The following REDIC1 variants were observed in gnomAD, a reference collection of about 807,000 sequenced individuals.
The protein encoded by REDIC1 is HEI10 Interacting Protein 1.
the REDIC1 span, among the ~76,000 whole-genome samples, chr12:39,900,887 C>T: frequency 1.3e-5 from 2 of 152,176 alleles, no homozygotes; most frequent in Non-Finnish European, 2.9e-5. Context: ...CCAAGTCAAT[C>T]CTAAGCCAAA....
chr12:39,671,198 T>C, the REDIC1 span, among the ~76,000 whole-genome samples: 1 of 152,218 alleles, frequency 6.6e-6, no homozygotes, highest in Admixed American at 6.5e-5. Flanking sequence ...AGGGGAAGAC[T>C]TTTTCCTATA....
chr12:39,717,472 A>G, the REDIC1 span, among the ~76,000 whole-genome samples: 1 of 152,168 alleles, frequency 6.6e-6, no homozygotes, highest in South Asian at 2.1e-4. Flanking sequence ...ATAAATCATC[A>G]TAATCCTCAT....
At chr12:39,760,265 A>G in the REDIC1 span, 6 of 1,595,884 alleles carry the variant, frequency 3.8e-6, no homozygotes, top group African/African-American at 1.3e-5. Flanking sequence ...GCAACGGAAT[A>G]TAATAGATAC....
chr12:39,838,927 G>A, the REDIC1 span, among the ~76,000 whole-genome samples: 1 of 152,088 alleles, frequency 6.6e-6, no homozygotes, highest in Non-Finnish European at 1.5e-5. Context: ...CCTGTCTCTA[G>A]AATGCCCTAA....
chr12:39,722,028 T>C, the REDIC1 span: 1 of 152,142 alleles, frequency 6.6e-6, no homozygotes, highest in East Asian at 1.9e-4. Context: ...TAAATGTTTG[T>C]ACTCTAAAAT....
At chr12:39,784,009 A>G in the REDIC1 span, among the ~76,000 whole-genome samples, 2 of 152,208 alleles carry the variant, frequency 1.3e-5, no homozygotes, top group South Asian at 2.1e-4. Flanking sequence ...CTAGGAATCC[A>G]GCTTACAAGG....
chr12:39,868,094 A>G, the REDIC1 span, among the ~76,000 whole-genome samples: 8 of 152,202 alleles, frequency 5.3e-5, no homozygotes, highest in Admixed American at 5.2e-4. Context: ...GTTAGTATTT[A>G]AAATCAATCT....
the REDIC1 span, among the ~76,000 whole-genome samples, chr12:39,840,783 T>C: frequency 6.2e-3 from 942 of 152,196 alleles, 12 homozygotes; most frequent in African/African-American, 0.021. Flanking sequence ...CCTTACTGCA[T>C]TGTGACCTTC....
At chr12:39,683,763 C>T in the REDIC1 span, among the ~76,000 whole-genome samples, 7 of 151,244 alleles carry the variant, frequency 4.6e-5, no homozygotes, top group South Asian at 6.3e-4. Context: ...AACTCATATC[C>T]GCCAGAATGT....
chr12:39,670,074 A>T, the REDIC1 span, among the ~76,000 whole-genome samples: 2 of 151,456 alleles, frequency 1.3e-5, no homozygotes, highest in African/African-American at 4.9e-5. Flanking sequence ...ACTTTCCGAC[A>T]CTCCCCAGTG....
chr12:39,642,631 T>C, the REDIC1 span, among the ~76,000 whole-genome samples: 3 of 151,690 alleles, frequency 2.0e-5, no homozygotes, highest in Admixed American at 6.6e-5. Context: ...AATTATAAGA[T>C]CTAGCATTGA....
the REDIC1 span, among the ~76,000 whole-genome samples, chr12:39,747,895 C>T: frequency 8.5e-5 from 13 of 152,120 alleles, no homozygotes; most frequent in African/African-American, 3.1e-4. Context: ...TTTGTCACCA[C>T]CAGGCCTGCC....
At chr12:39,769,587 A>G in the REDIC1 span, among the ~76,000 whole-genome samples, 1 of 151,790 alleles carries the variant, frequency 6.6e-6, no homozygotes, top group Non-Finnish European at 1.5e-5. Context: ...CAAGTCTGTC[A>G]CCCTTTCTGA....
At chr12:39,843,046 C>T in the REDIC1 span, among the ~76,000 whole-genome samples, 11 of 151,558 alleles carry the variant, frequency 7.3e-5, no homozygotes, top group East Asian at 5.8e-4. Flanking sequence ...TACGTTTTTT[C>T]GCTGTTTTAT....
the REDIC1 span, among the ~76,000 whole-genome samples, chr12:39,734,284 G>A: frequency 6.6e-6 from 1 of 152,144 alleles, no homozygotes; most frequent in Non-Finnish European, 1.5e-5. Context: ...ACCTCAGATG[G>A]AAATGCAGAA....
the REDIC1 span, among the ~76,000 whole-genome samples, chr12:39,724,983 A>C: frequency 6.6e-6 from 1 of 152,098 alleles, no homozygotes; most frequent in Non-Finnish European, 1.5e-5. Flanking sequence ...TCTAGAATGG[A>C]TCTATTATAT....
the REDIC1 span, among the ~76,000 whole-genome samples, chr12:39,818,828 T>C: frequency 1.3e-5 from 2 of 152,170 alleles, no homozygotes; most frequent in Non-Finnish European, 2.9e-5. Flanking sequence ...TAAAATATTG[T>C]TATAAGTATA....
the REDIC1 span, among the ~76,000 whole-genome samples, chr12:39,846,552 A>G: frequency 6.6e-6 from 1 of 152,182 alleles, no homozygotes; most frequent in African/African-American, 2.4e-5. Context: ...TCCAGGCTCA[A>G]GTGTTCCTCC....
At chr12:39,876,490 GAATTT>G in the REDIC1 span, among the ~76,000 whole-genome samples, 5 of 151,932 alleles carry the variant, frequency 3.3e-5, no homozygotes, top group African/African-American at 1.2e-4. Context: ...CTGGTTTATT[GAATTT>G]ATCTACCGTA....
Sources: allele counts gnomAD v4.1 joint callset (sites outside exome capture counted in the v4.1 genomes callset), GRCh38; gene constraint gnomAD v4.1.1; transcripts MANE v1.5; gene names NCBI Gene and HGNC (gene_info 2026-07-23, HGNC 2026-07-21).